Variants in C16orf96 observed in about 807,000 individuals in gnomAD.
C16orf96 encodes the protein uncharacterized protein C16orf96.
In C16orf96, 108 loss-of-function variants were observed where a neutral mutation model predicts 103.6. The observed-to-expected ratio is 1.04, with a 90% CI of 0.89 to 1.22. The LOEUF (loss-of-function observed/expected upper bound fraction) is 1.22. C16orf96 is among the 50% of genes most tolerant of loss of function. The pLI is 0.00. For synonymous variants in C16orf96, 566 were observed against 593.5 expected, an observed-to-expected ratio of 0.95 and a Z score of 0.67; for missense variants, 1,586 against 1,464.2, an observed-to-expected ratio of 1.08 and a Z score of -1.36.
chr16:4,569,170 A>T (rs962642229), intron 1 of C16orf96, among the ~76,000 whole-genome samples: 4 of 151,590 alleles, frequency 2.6e-5, no homozygotes, highest in African/African-American at 9.7e-5. Context: ...GGGTTTCACC[A>T]TGTTGGCCAG....
chr16:4,579,225 G>C (rs2059552604), intron 6 of C16orf96, among the ~76,000 whole-genome samples, 200 bp downstream of exon 6: 1 of 152,040 alleles, frequency 6.6e-6, no homozygotes. Flanking sequence ...AGCAGGTGTG[G>C]GGCTACACGG....
At chr16:4,563,069 G>T in intron 1 of C16orf96, 4 of 832,298 alleles carry the variant, frequency 4.8e-6, no homozygotes, top group Non-Finnish European at 8.2e-6. Context: ...AGTTTCGCCT[G>T]TCTTTTGCTT....
Position 4,593,616 on chromosome 16 carries a change from C to T in C16orf96, c.2867+300C>T, listed in dbSNP as rs201561835. Among the ~76,000 whole-genome samples the T allele has an allele frequency of 6.6e-6, 1 of 152,026 alleles. No homozygotes were observed. The highest frequency in any genetic ancestry group is 2.1e-4 in the South Asian group (1 of 4,810). ...CCCTGTGAGCTAGGGTTCCTATGCC[C>T]ATGTCCCTGTTTCTTGGCGGAGGGA... On this transcript the variant is annotated intron_variant, in intron 12 of 15. Transcript: ENST00000444310. The surrounding 1 kb of genome is among the most constrained non-coding windows in gnomAD (Gnocchi z 4.2).
intron 1 of C16orf96, among the ~76,000 whole-genome samples, chr16:4,570,611 C>G (rs550452047): frequency 6.6e-5 from 10 of 152,032 alleles, no homozygotes; most frequent in African/African-American, 2.2e-4. Flanking sequence ...ATTACAGGCA[C>G]GCAACATCAG....
chr16:4,591,679 A>G lies in C16orf96; in HGVS notation c.2606A>G (p.Asp869Gly), dbSNP rs1259592640. The G allele has an allele frequency of 7.1e-6, 11 of 1,551,388 alleles. No homozygotes were observed. Among genetic ancestry groups the G allele is most frequent in the Non-Finnish European group, 9.6e-6 (11 of 1,146,846 alleles). Residue 869 changes from aspartate to glycine, a missense_variant, in exon 10 of 16, where the codon GAT (aspartate) becomes GGT (glycine). Coordinates refer to ENST00000444310, the MANE Select transcript of C16orf96 (RefSeq NM_001145011.2). The part of the protein sequence containing the change: ...KDVNTKLVHS[D>G]LDPLKKEMEE... ...GGCTGTTGGCAGTTAGTCCACAGTG[A>G]TCTGGATCCCTTGAAGAAAGAAATG...
At chr16:4,583,115 G>A (rs983387525) in intron 7 of C16orf96, among the ~76,000 whole-genome samples, 1 of 152,154 alleles carries the variant, frequency 6.6e-6, no homozygotes, top group Non-Finnish European at 1.5e-5. Context: ...GCGGGTGCCT[G>A]TAATCCCAGC....
the C16orf96 span, among the ~76,000 whole-genome samples, chr16:4,546,212 G>A: frequency 4.7e-5 from 7 of 148,356 alleles, no homozygotes; most frequent in Middle Eastern, 3.2e-3. Flanking sequence ...AGGCTGGAGT[G>A]CAGTGGTGTA....
intron 4 of C16orf96, 44 bp from the exon 5 acceptor site, chr16:4,575,130 C>T (rs771181497): frequency 9.1e-6 from 14 of 1,546,188 alleles, no homozygotes; most frequent in East Asian, 2.4e-5. Context: ...GAGTGGGAGG[C>T]GGGGCTGGAA....
chr16:4,552,174 C>A (rs143944707), upstream of C16orf96, among the ~76,000 whole-genome samples: 7 of 151,966 alleles, frequency 4.6e-5, no homozygotes, highest in East Asian at 7.7e-4. Flanking sequence ...TATGTAATTC[C>A]GCTCAATTTT....
chr16:4,574,103 G>A (rs577358131), intron 2 of C16orf96, among the ~76,000 whole-genome samples: 69 of 152,208 alleles, frequency 4.5e-4, no homozygotes, highest in Non-Finnish European at 6.9e-4. Context: ...AAAGTGCTGG[G>A]ATTACAGGCA....
chr16:4,565,669 C>T (rs930579647), intron 1 of C16orf96, among the ~76,000 whole-genome samples: 3 of 151,996 alleles, frequency 2.0e-5, no homozygotes, highest in Non-Finnish European at 2.9e-5. Flanking sequence ...TTGTATTTTT[C>T]GTAGAGACGG....
intron 1 of C16orf96, chr16:4,562,777 G>A (rs1464907525): frequency 1.9e-6 from 2 of 1,026,260 alleles, no homozygotes; most frequent in Middle Eastern, 3.3e-4. Flanking sequence ...AAAACAACTA[G>A]AACAGTACAG....
At chr16:4,562,915 C>T in intron 1 of C16orf96, 1 of 1,419,034 alleles carries the variant, frequency 7.0e-7, no homozygotes, top group East Asian at 2.3e-5. Flanking sequence ...TTCATTTCAC[C>T]TTCAGGATCC....
chr16:4,592,517 C>A, intron 11 of C16orf96, 150 bp downstream of exon 11: 1 of 889,518 alleles, frequency 1.1e-6, no homozygotes, highest in Non-Finnish European at 1.7e-6. Context: ...AGTCCATACA[C>A]GCCCACATGC....
Position 4,576,566 on chromosome 16 carries a change from A to C in C16orf96, c.2086A>C (p.Lys696Gln). ...GAGCCACATAGCCCAGATACCTGTC[A>C]AACACGACTCTCTGAAGGAAGAATT... ...SMSHIAQIPV[K>Q]HDSLKEEFAQ... Residue 696 changes from lysine to glutamine, a missense_variant, in exon 5 of 16, where the codon AAA (lysine) becomes CAA (glutamine). Transcript: ENST00000444310. 1 of 1,551,594 alleles carries C rather than the reference A, an allele frequency of 6.4e-7. No individual in the cohort carries two copies. Among genetic ancestry groups the C allele is most frequent in the Non-Finnish European group, 8.7e-7 (1 of 1,146,992 alleles).
At chr16:4,539,541 C>A in the C16orf96 span, among the ~76,000 whole-genome samples, 1 of 152,120 alleles carries the variant, frequency 6.6e-6, no homozygotes, top group South Asian at 2.1e-4. Flanking sequence ...AAAAATTAGC[C>A]GGGTATGGTG....
chr16:4,539,422 G>A, the C16orf96 span, among the ~76,000 whole-genome samples: 2 of 152,198 alleles, frequency 1.3e-5, no homozygotes, highest in Non-Finnish European at 2.9e-5. Flanking sequence ...AGTGGCTAAC[G>A]CCTGTAATCC....
upstream of C16orf96, among the ~76,000 whole-genome samples, chr16:4,556,038 G>C (rs2059259589): frequency 6.6e-6 from 1 of 151,924 alleles, no homozygotes; most frequent in African/African-American, 2.4e-5. Context: ...GTAAAACCTG[G>C]GTCTTCCTAA....
intron 1 of C16orf96, among the ~76,000 whole-genome samples, chr16:4,557,748 T>A (rs994224690): frequency 6.6e-6 from 1 of 152,124 alleles, no homozygotes; most frequent in Non-Finnish European, 1.5e-5. Context: ...TGGCTCACTG[T>A]AGCCTCGACC....
Sources: allele counts gnomAD v4.1 joint callset (sites outside exome capture counted in the v4.1 genomes callset), GRCh38; gene constraint gnomAD v4.1.1; non-coding constraint Gnocchi (gnomAD v3.1); transcripts MANE v1.5; gene names NCBI Gene and HGNC (gene_info 2026-07-23, HGNC 2026-07-21).